Variants in NOL4 observed in about 807,000 individuals in gnomAD.
NOL4 encodes cancer/testis antigen 125.
NOL4 carries 17 observed loss-of-function variants against 75.9 expected under a neutral mutation model. The observed-to-expected ratio is 0.22, with a 90% confidence interval of 0.15 to 0.34. NOL4 has a LOEUF of 0.34. NOL4 is among the 10% of genes least tolerant of loss of function. The probability of loss-of-function intolerance (pLI) is 1.00; values close to 1 mark genes in which losing one functional copy is unlikely to be tolerated. For synonymous variants in NOL4, 292 were observed against 289.9 expected (o/e 1.01, Z -0.07); for missense variants, 614 against 793.5 (o/e 0.77, Z 2.72).
intron 6 of NOL4, among the ~76,000 whole-genome samples, chr18:33,965,811 C>T (rs1460246730): frequency 6.6e-6 from 1 of 152,052 alleles, no homozygotes; most frequent in African/African-American, 2.4e-5. Context: ...TTATGAATTA[C>T]CCAGTCTTGG....
chr18:34,198,478 A>T (rs1339676845), intron 1 of NOL4, among the ~76,000 whole-genome samples: 1 of 151,898 alleles, frequency 6.6e-6, no homozygotes, highest in Non-Finnish European at 1.5e-5. Context: ...GCTTTTAAAA[A>T]TTCCCATTAT....
At chr18:33,962,568 A>G (rs1600071919) in intron 6 of NOL4, among the ~76,000 whole-genome samples, 2 of 152,188 alleles carry the variant, frequency 1.3e-5, no homozygotes, top group African/African-American at 4.8e-5. Flanking sequence ...TAGTCAGTGG[A>G]GGAATAATAA....
chr18:33,926,365 A>C (rs1175749279), intron 9 of NOL4, among the ~76,000 whole-genome samples: 2 of 149,668 alleles, frequency 1.3e-5, no homozygotes, highest in African/African-American at 4.9e-5. Flanking sequence ...TCTCAAAAAA[A>C]AAAAAAAAAA....
intron 4 of NOL4, among the ~76,000 whole-genome samples, chr18:34,097,402 C>T (rs529822423): frequency 6.6e-6 from 1 of 151,442 alleles, no homozygotes; most frequent in South Asian, 2.1e-4. Flanking sequence ...TCCCCAGGTC[C>T]CACATATCAG....
intron 5 of NOL4, among the ~76,000 whole-genome samples, chr18:34,086,537 A>AT (rs201842777): frequency 0.01 from 1,575 of 152,298 alleles, 28 homozygotes; most frequent in African/African-American, 0.036. Context: ...CATCACTTTT[A>AT]TTAAAAACAT....
At chr18:34,176,759 G>A (rs532980939) in intron 1 of NOL4, among the ~76,000 whole-genome samples, 50 of 152,146 alleles carry the variant, frequency 3.3e-4, no homozygotes, top group African/African-American at 1.1e-3. Context: ...TGACAATACC[G>A]TCACCTTGAT....
chr18:34,136,473 A>T lies in NOL4; in HGVS notation c.265-6453T>A, dbSNP rs201928224. The stretch of plus-strand genomic sequence containing the variant: ...GAAAATTCTAAGGAATCCATTAAAA[A>T]ACTGTTAGAACTAATAAATGAGTTC... On this transcript the variant is annotated intron_variant, in intron 1 of 10. Transcript: ENST00000261592. Among the ~76,000 whole-genome samples the T allele has an allele frequency of 1.2e-4, 18 of 152,318 alleles. No homozygotes were observed. The East Asian group carries it at 3.5e-3, about 29-fold the overall frequency.
intron 9 of NOL4, among the ~76,000 whole-genome samples, chr18:33,923,882 TC>T (rs1453381569): frequency 2.6e-5 from 4 of 152,134 alleles, no homozygotes; most frequent in African/African-American, 9.7e-5. Flanking sequence ...AAATATCTTC[TC>T]CCCCTGCAGC....
At chr18:34,190,495 T>C (rs574493695) in intron 1 of NOL4, among the ~76,000 whole-genome samples, 1 of 151,942 alleles carries the variant, frequency 6.6e-6, no homozygotes, top group African/African-American at 2.4e-5. Context: ...ATAAATGTGC[T>C]GTCCTTTATA....
chr18:33,853,246 C>T (rs187808608), intron 10 of NOL4, among the ~76,000 whole-genome samples: 10 of 152,086 alleles, frequency 6.6e-5, no homozygotes, highest in South Asian at 2.1e-4. Context: ...TCTCAGATGC[C>T]GAAATCAGCC....
At chr18:33,901,376 T>C (rs2144987359) in intron 9 of NOL4, among the ~76,000 whole-genome samples, 1 of 152,276 alleles carries the variant, frequency 6.6e-6, no homozygotes, top group Non-Finnish European at 1.5e-5. Context: ...GCTTTAAAAA[T>C]GGTTAACAGG....
chr18:34,016,155 C>T (rs1346580305), intron 6 of NOL4, among the ~76,000 whole-genome samples: 2 of 152,150 alleles, frequency 1.3e-5, no homozygotes, highest in South Asian at 2.1e-4. Flanking sequence ...GGTAGTCCTG[C>T]AAATACAATG....
chr18:33,921,485 T>C (rs1005770826), intron 9 of NOL4, among the ~76,000 whole-genome samples: 6 of 152,162 alleles, frequency 3.9e-5, no homozygotes, highest in African/African-American at 1.4e-4. Context: ...AAAGGGACTT[T>C]GCAAGTAAAT....
chr18:34,051,478 C>T (rs1212279281), intron 5 of NOL4, among the ~76,000 whole-genome samples: 1 of 152,048 alleles, frequency 6.6e-6, no homozygotes, highest in African/African-American at 2.4e-5. Context: ...AAGTAAACAA[C>T]ATAAGTAGGA....
intron 5 of NOL4, among the ~76,000 whole-genome samples, chr18:34,035,731 G>T (rs2075862269): frequency 6.6e-6 from 1 of 151,358 alleles, no homozygotes; most frequent in African/African-American, 2.4e-5. Flanking sequence ...ATAATTATTA[G>T]ACTAACCAAG....
At chr18:33,983,034 G>T (rs564249126) in intron 6 of NOL4, among the ~76,000 whole-genome samples, 1 of 152,124 alleles carries the variant, frequency 6.6e-6, no homozygotes, top group East Asian at 1.9e-4. Flanking sequence ...ATAGGTGTGT[G>T]CCACTGTGCC....
intron 1 of NOL4, among the ~76,000 whole-genome samples, chr18:34,155,567 A>G (rs543302363): frequency 1.3e-5 from 2 of 152,212 alleles, no homozygotes; most frequent in East Asian, 3.9e-4. Flanking sequence ...GCTGCATGGT[A>G]TATTGCTTCT....
chr18:33,973,190 G>C (rs1244599944), intron 6 of NOL4, among the ~76,000 whole-genome samples: 1 of 152,168 alleles, frequency 6.6e-6, no homozygotes, highest in Non-Finnish European at 1.5e-5. Flanking sequence ...AATGCTCACA[G>C]GATCTTTACC....
At chr18:33,994,689 A>G (rs1568185329) in intron 6 of NOL4, among the ~76,000 whole-genome samples, 1 of 151,732 alleles carries the variant, frequency 6.6e-6, no homozygotes, top group African/African-American at 2.4e-5. Context: ...TTAAAAAAGA[A>G]TAAAGATCTC....
Sources: allele counts gnomAD v4.1 joint callset (sites outside exome capture counted in the v4.1 genomes callset), GRCh38; gene constraint gnomAD v4.1.1; transcripts MANE v1.5; gene names NCBI Gene and HGNC (gene_info 2026-07-23, HGNC 2026-07-21).